The following COL27A1 variants were observed in gnomAD, a reference collection of about 807,000 sequenced individuals.
COL27A1 encodes collagen alpha-1(XXVII) chain.
In COL27A1, 106 loss-of-function variants were observed where a neutral mutation model predicts 251.3. That is an observed-to-expected ratio of 0.42 (90% confidence interval 0.36 to 0.50). The LOEUF (loss-of-function observed/expected upper bound fraction) is 0.50. Ranked by LOEUF, COL27A1 falls within the 20% of genes least tolerant of loss-of-function variation. The probability of loss-of-function intolerance (pLI) is 0.00; values close to 1 mark genes in which losing one functional copy is unlikely to be tolerated. For missense variants in COL27A1, 2,325 were observed against 2,522.8 expected, an observed-to-expected ratio of 0.92 and a Z score of 1.68; for synonymous variants, 1,000 against 986.3, an observed-to-expected ratio of 1.01 and a Z score of -0.26.
At chr9:114,300,558 G>T in intron 50 of COL27A1, 67 bp from the exon 51 acceptor site, 2 of 1,315,890 alleles carry the variant, frequency 1.5e-6, no homozygotes, top group South Asian at 2.9e-5. Flanking sequence ...CCAGGGGTGA[G>T]GGAGCTGTGG....
chr9:114,259,293 A>G (rs1317486591), intron 28 of COL27A1, among the ~76,000 whole-genome samples: 2 of 152,172 alleles, frequency 1.3e-5, no homozygotes, highest in African/African-American at 4.8e-5. Context: ...CTATACTCCA[A>G]GGGCATTGGG....
At chr9:114,225,864 G>A (rs763713581) in intron 14 of COL27A1, among the ~76,000 whole-genome samples, 1 of 152,166 alleles carries the variant, frequency 6.6e-6, no homozygotes, top group Non-Finnish European at 1.5e-5. Flanking sequence ...TTTATTGAGC[G>A]TCTGTCTGCT....
At chr9:114,287,253 G>C (rs533770398) in intron 41 of COL27A1, among the ~76,000 whole-genome samples, 1 of 152,304 alleles carries the variant, frequency 6.6e-6, no homozygotes, top group East Asian at 1.9e-4. Flanking sequence ...CTTTGCCTCT[G>C]TCCAGCCTCT....
chr9:114,295,810 G>A (rs941578218), intron 49 of COL27A1, among the ~76,000 whole-genome samples: 12 of 152,002 alleles, frequency 7.9e-5, no homozygotes, highest in Non-Finnish European at 1.2e-4. Flanking sequence ...CACGATGCCC[G>A]GCTAATTTTG....
intron 19 of COL27A1, among the ~76,000 whole-genome samples, chr9:114,239,820 A>G (rs549432440): frequency 1.4e-4 from 22 of 152,204 alleles, no homozygotes; most frequent in Non-Finnish European, 2.4e-4. Context: ...CCAGAAAATC[A>G]TCCTCTTTGC....
rs1478736473 is a variant in COL27A1, at chr9:114,288,686, TGTC to T, written c.4045-15_4045-13del. 1 of 1,604,512 alleles carries T rather than the reference TGTC, an allele frequency of 6.2e-7. No individual in the cohort carries two copies. Reference sequence around the variant, plus strand: ...CACCTGGTGGCCCAAATTTTGCTGTTGTCTTTGTCATTCAGGGCCCTGTGGGTG... The same window carrying T: ...CACCTGGTGGCCCAAATTTTGCTGTTTTTGTCATTCAGGGCCCTGTGGGTG... On this transcript the variant is annotated splice_polypyrimidine_tract_variant and intron_variant, in intron 42 of 60. Coordinates refer to ENST00000356083, the MANE Select transcript of COL27A1 (RefSeq NM_032888.4).
intron 41 of COL27A1, among the ~76,000 whole-genome samples, chr9:114,287,935 G>A (rs577931875): frequency 6.6e-6 from 1 of 152,198 alleles, no homozygotes; most frequent in South Asian, 2.1e-4. Flanking sequence ...CGGATGTCAT[G>A]AGTCTGCCTG....
At chr9:114,225,265 T>G (rs1831388942) in intron 14 of COL27A1, among the ~76,000 whole-genome samples, 1 of 152,220 alleles carries the variant, frequency 6.6e-6, no homozygotes, top group Non-Finnish European at 1.5e-5. Flanking sequence ...GGCACTCCTC[T>G]TTTTGCTTCT....
chr9:114,179,092 G>A (rs1006783114), intron 4 of COL27A1, among the ~76,000 whole-genome samples: 1 of 152,196 alleles, frequency 6.6e-6, no homozygotes, highest in African/African-American at 2.4e-5. Context: ...GAGACCAACA[G>A]CACCCGGCAT....
rs147841240 is a variant in COL27A1, at chr9:114,189,610, T to C, written c.2017-4794T>C. Among the ~76,000 whole-genome samples, 5 of 152,356 alleles carry C rather than the reference T, an allele frequency of 3.3e-5. No individual in the cohort carries two copies. The East Asian group carries it at 9.6e-4, about 29-fold the overall frequency. The stretch of plus-strand genomic sequence containing the variant: ...CCGTCTTTAAAATATTACATTTTTC[T>C]ATCTAAAAACATGGCATGTCTTCCT... On this transcript the variant is annotated intron_variant, in intron 5 of 60. Transcript: ENST00000356083.
Position 114,264,962 on chromosome 9 carries a change from A to G in COL27A1, c.3288A>G (p.Gly1096=), listed in dbSNP as rs1265120706. Residue 1096 remains glycine, a synonymous_variant, in exon 30 of 61, where the codon GGA becomes GGG. Coordinates refer to ENST00000356083, the MANE Select transcript of COL27A1 (RefSeq NM_032888.4). ...CCCAGGGCAGACCGGGCCGGCCTGGACAGCAGGTATGTCAGGCCAAGGCCA... is the reference window on the plus strand; with the variant it reads ...CCCAGGGCAGACCGGGCCGGCCTGGGCAGCAGGTATGTCAGGCCAAGGCCA... ...PGPQGRPGRP[G]QQGVAGERGH... 1.9e-6 allele frequency: 3 copies of G among 1,613,272 alleles called. No individual in the cohort carries two copies. The highest frequency in any genetic ancestry group is 2.5e-6 in the Non-Finnish European group (3 of 1,179,548).
intron 5 of COL27A1, 81 bp downstream of exon 5, chr9:114,183,156 G>T: frequency 2.2e-5 from 30 of 1,373,764 alleles, no homozygotes; most frequent in Non-Finnish European, 3.1e-5. Flanking sequence ...GGGGTGCCTG[G>T]TGGGAGGGCT....
chr9:114,269,406 A>T, intron 35 of COL27A1, 112 bp downstream of exon 35: 1 of 682,872 alleles, frequency 1.5e-6, no homozygotes, highest in Non-Finnish European at 2.5e-6. Flanking sequence ...CAGTTACAGA[A>T]ATAGACTATG....
chr9:114,234,395 G>A (rs1832202199), intron 16 of COL27A1, among the ~76,000 whole-genome samples: 1 of 152,018 alleles, frequency 6.6e-6, no homozygotes, highest in African/African-American at 2.4e-5. Context: ...GTTTTCTAAG[G>A]TTTTCCATTT....
At position 114,167,877 on chromosome 9, in the gene COL27A1, C is replaced by T. The variant is rs201093507; in HGVS notation, c.322C>T (p.Arg108Trp). 4.8e-5 allele frequency: 78 copies of T among 1,613,324 alleles called. No homozygotes were observed. Among genetic ancestry groups the T allele is most frequent in the Non-Finnish European group, 6.1e-5 (72 of 1,179,976 alleles). ...LALVLSLCSH[R>W]VNHAFLFAVR... Reference sequence around the variant, plus strand: ...ACTGGTGCTGAGCCTCTGCTCCCACCGGGTGAACCATGCCTTCCTCTTCGC... The same window carrying T: ...ACTGGTGCTGAGCCTCTGCTCCCACTGGGTGAACCATGCCTTCCTCTTCGC... Residue 108 changes from arginine to tryptophan, a missense_variant, in exon 3 of 61, where the codon CGG (arginine) becomes TGG (tryptophan). By Grantham distance (101) the Arg-to-Trp change is moderately radical (BLOSUM62 -3). This residue lies in a region of COL27A1 where 1,183 missense variants were observed against 1,144.1 expected (regional missense o/e 1.03). Coordinates refer to ENST00000356083, the MANE Select transcript of COL27A1 (RefSeq NM_032888.4).
Position 114,168,979 on chromosome 9 carries a change from G to T in COL27A1, c.1424G>T (p.Arg475Leu). 1 of 1,614,042 alleles carries T rather than the reference G, an allele frequency of 6.2e-7. No homozygotes were observed. Residue 475 changes from arginine to leucine, a missense_variant, in exon 3 of 61, where the codon CGC becomes CTC. By Grantham distance (102) the Arg-to-Leu change is moderately radical (BLOSUM62 -2). Coordinates refer to ENST00000356083, the MANE Select transcript of COL27A1 (RefSeq NM_032888.4). ...TSHASKPASARTSTHKPPPFT... is the reference protein window; with the variant it reads ...TSHASKPASALTSTHKPPPFT... ...CATGCCAGTAAGCCGGCCTCTGCCC[G>T]CACCAGCACCCACAAACCTCCCCCA...
At chr9:114,260,412 G>A (rs921844318) in intron 28 of COL27A1, among the ~76,000 whole-genome samples, 2 of 152,120 alleles carry the variant, frequency 1.3e-5, no homozygotes, top group Non-Finnish European at 2.9e-5. Flanking sequence ...CTGAAGGTGG[G>A]GAACCTACAG....
chr9:114,302,123 T>TTC lies in COL27A1; in HGVS notation c.4872+19_4872+20dup. ...CTATCCAATTGGTAAGTTGGAAACCTTCTCTTTTGCCTACTTGGGGTAAGG... is the reference window on the plus strand; with the variant it reads ...CTATCCAATTGGTAAGTTGGAAACCTTCTCTCTTTTGCCTACTTGGGGTAAGG... On this transcript the variant is annotated intron_variant, in intron 56 of 60. Transcript: ENST00000356083. 2 of 1,610,206 alleles carry TTC rather than the reference T, an allele frequency of 1.2e-6. No individual in the cohort carries two copies. Among genetic ancestry groups the TTC allele is most frequent in the Non-Finnish European group, 1.7e-6 (2 of 1,176,526 alleles).
chr9:114,246,643 G>C lies in COL27A1; in HGVS notation c.2979+733G>C, dbSNP rs562584722. ...TCAATCCGGAAGGACTGATGCTGGG[G>C]ATGGCCATAGAGGAATTTGGCCGCA... On this transcript the variant is annotated intron_variant, in intron 24 of 60. Transcript: ENST00000356083. Among the ~76,000 whole-genome samples, 3 of 152,268 alleles carry C rather than the reference G, an allele frequency of 2.0e-5. No individual in the cohort carries two copies. In the South Asian group the frequency reaches 6.2e-4, roughly 32 times the overall value.
Sources: allele counts gnomAD v4.1 joint callset (sites outside exome capture counted in the v4.1 genomes callset), GRCh38; gene constraint gnomAD v4.1.1; regional missense constraint gnomAD v4.1.1; transcripts MANE v1.5; gene names NCBI Gene and HGNC (gene_info 2026-07-23, HGNC 2026-07-21).